The following QKI variants were observed in gnomAD, a reference collection of about 807,000 sequenced individuals.
QKI encodes the protein QKI, KH domain containing RNA binding, also known as KH domain-containing RNA-binding protein QKI.
A neutral mutation model predicts 39.0 loss-of-function variants in QKI; 10 were observed. The observed-to-expected ratio is 0.26, with a 90% CI of 0.16 to 0.43. The LOEUF (loss-of-function observed/expected upper bound fraction) is 0.43, where lower values mean the gene tolerates loss of function less well. Among genes scored for constraint, QKI ranks in the 20% least tolerant of loss-of-function variants. The pLI is 1.00. For missense variants in QKI, 218 were observed against 428.0 expected (o/e 0.51, Z 4.33); for synonymous variants, 204 against 155.4 (o/e 1.31, Z -2.33).
chr6:163,531,042 T>C (rs559090648), intron 3 of QKI, among the ~76,000 whole-genome samples: 1 of 152,322 alleles, frequency 6.6e-6, no homozygotes, highest in African/African-American at 2.4e-5. Context: ...ATCTCTGTCT[T>C]TTGCTACTTG....
rs1158770766 is a variant in QKI, at chr6:163,422,383, C to T, written c.142+7048C>T. On this transcript the variant is annotated intron_variant, in intron 1 of 7. Transcript: ENST00000361752. Reference sequence around the variant, plus strand: ...TTTATATCACATTATTTATTATAAGCAGAATGTGTCATATTCTGCTTAGCA... The same window carrying T: ...TTTATATCACATTATTTATTATAAGTAGAATGTGTCATATTCTGCTTAGCA... 2.6e-5 allele frequency among the ~76,000 whole-genome samples: 4 copies of T among 152,214 alleles called. No individual in the cohort carries two copies. The East Asian group carries it at 7.7e-4, about 29-fold the overall frequency.
At chr6:163,416,364 A>G (rs1219377896) in intron 1 of QKI, 1 of 161,350 alleles carries the variant, frequency 6.2e-6, no homozygotes, top group Non-Finnish European at 1.4e-5. Context: ...GTGGACGCCT[A>G]GAGAAAAAAA....
At chr6:163,510,167 G>T (rs1026595526) in intron 3 of QKI, among the ~76,000 whole-genome samples, 8 of 151,340 alleles carry the variant, frequency 5.3e-5, no homozygotes, top group African/African-American at 1.9e-4. Flanking sequence ...AGTGAGCCAA[G>T]ATCGTGCCAC....
chr6:163,558,187 A>T (rs1267932637), intron 4 of QKI, among the ~76,000 whole-genome samples: 2 of 152,206 alleles, frequency 1.3e-5, no homozygotes, highest in Non-Finnish European at 2.9e-5. Flanking sequence ...AGACTGGCTC[A>T]TAGAAGCTCT....
At chr6:163,469,530 T>C (rs1041835251) in intron 2 of QKI, among the ~76,000 whole-genome samples, 3 of 152,174 alleles carry the variant, frequency 2.0e-5, no homozygotes, top group Non-Finnish European at 2.9e-5. Flanking sequence ...GTAGAGGCAT[T>C]TTCACAGACT....
At chr6:163,452,928 A>C (rs562666106) in intron 1 of QKI, among the ~76,000 whole-genome samples, 1 of 151,992 alleles carries the variant, frequency 6.6e-6, no homozygotes, top group Non-Finnish European at 1.5e-5. Flanking sequence ...GGGTTTCACT[A>C]TGTTGGCTAG....
At chr6:163,482,941 C>T (rs750864801) in intron 3 of QKI, among the ~76,000 whole-genome samples, 14 of 152,268 alleles carry the variant, frequency 9.2e-5, no homozygotes, top group South Asian at 6.2e-4. Flanking sequence ...CCTCTGTATA[C>T]TTGGTTAGGG....
intron 4 of QKI, among the ~76,000 whole-genome samples, chr6:163,550,932 G>C (rs1351436745): frequency 7.8e-6 from 1 of 128,106 alleles, no homozygotes; most frequent in Non-Finnish European, 1.6e-5. Flanking sequence ...GGGCGACAGA[G>C]CAAGACTCTG....
chr6:163,471,190 A>G (rs1387315122), intron 2 of QKI, among the ~76,000 whole-genome samples: 1 of 152,182 alleles, frequency 6.6e-6, no homozygotes, highest in Non-Finnish European at 1.5e-5. Flanking sequence ...GACTTAGTTC[A>G]CTTCCATTAG....
intron 7 of QKI, 54 bp from the exon 8 acceptor site, chr6:163,570,640 C>CTATCT: frequency 6.2e-7 from 1 of 1,602,682 alleles, no homozygotes; most frequent in South Asian, 1.1e-5. Context: ...AATCTCTTCT[C>CTATCT]TATCTTTTCT....
chr6:163,523,295 A>G (rs1780272669), intron 3 of QKI, among the ~76,000 whole-genome samples: 1 of 152,260 alleles, frequency 6.6e-6, no homozygotes, highest in African/African-American at 2.4e-5. Context: ...TAACTAATGT[A>G]GAAAAATACA....
At chr6:163,489,111 A>T (rs1211226654) in intron 3 of QKI, among the ~76,000 whole-genome samples, 4 of 146,064 alleles carry the variant, frequency 2.7e-5, no homozygotes, top group African/African-American at 1.0e-4. Context: ...ACTTAATAGT[A>T]TATTGTGGTC....
chr6:163,479,141 T>C (rs1792863685), intron 3 of QKI, among the ~76,000 whole-genome samples: 1 of 151,548 alleles, frequency 6.6e-6, no homozygotes, highest in Non-Finnish European at 1.5e-5. Flanking sequence ...ATACAAAAAT[T>C]AGCTGGGCGT....
intron 3 of QKI, among the ~76,000 whole-genome samples, chr6:163,520,684 A>C (rs16888835): frequency 6.6e-6 from 1 of 152,178 alleles, no homozygotes; most frequent in Admixed American, 6.5e-5. Flanking sequence ...GATTTTTTCA[A>C]TGCTTTCAAG....
chr6:163,547,211 C>T (rs1051915455), intron 4 of QKI, among the ~76,000 whole-genome samples: 9 of 152,050 alleles, frequency 5.9e-5, no homozygotes, highest in Non-Finnish European at 1.3e-4. Flanking sequence ...AAGCGTTGAA[C>T]GACTGACAAA....
intron 4 of QKI, among the ~76,000 whole-genome samples, chr6:163,538,720 C>G (rs1189925951): frequency 6.6e-6 from 1 of 152,160 alleles, no homozygotes; most frequent in Non-Finnish European, 1.5e-5. Flanking sequence ...ATAAGGAAGT[C>G]TTTGCAGTTC....
At chr6:163,415,865 A>T in intron 1 of QKI, 1 of 502,760 alleles carries the variant, frequency 2.0e-6, no homozygotes, top group Non-Finnish European at 4.0e-6. Context: ...GTGGTTGGGG[A>T]GTTGGTGCAG....
chr6:163,535,715 G>A (rs1781156825), intron 4 of QKI, among the ~76,000 whole-genome samples: 1 of 152,072 alleles, frequency 6.6e-6, no homozygotes, highest in African/African-American at 2.4e-5. Context: ...TGGATCACCT[G>A]AGGTCAGGAG....
chr6:163,468,659 G>A (rs1400456611), intron 2 of QKI, among the ~76,000 whole-genome samples: 1 of 152,128 alleles, frequency 6.6e-6, no homozygotes, highest in Non-Finnish European at 1.5e-5. Context: ...CACAGAGAAG[G>A]TCTGTATTTA....
Sources: gnomAD v4.1 joint callset for allele counts (sites outside exome capture counted in the v4.1 genomes callset) on GRCh38, gnomAD v4.1.1 for gene constraint, MANE v1.5 for transcripts, NCBI Gene and HGNC (gene_info 2026-07-23, HGNC 2026-07-21) for gene names.